GDA: variants seen among roughly 807,000 people sequenced by gnomAD.
GDA encodes guanine deaminase.
In GDA, 18 loss-of-function variants were observed where a neutral mutation model predicts 59.6. The ratio of observed to expected loss-of-function variants is 0.30; its 90% CI spans 0.21 to 0.45. The LOEUF (loss-of-function observed/expected upper bound fraction) is 0.45. GDA is among the 20% of genes least tolerant of loss of function. The pLI, the probability that GDA is intolerant of heterozygous loss-of-function variation, is 1.00. For synonymous variants in GDA, 201 were observed against 201.1 expected (o/e 1.00, Z 0.00); for missense variants, 427 against 552.3 (o/e 0.77, Z 2.27).
intron 1 of GDA, among the ~76,000 whole-genome samples, chr9:72,176,993 C>T (rs1018715800): frequency 6.6e-6 from 1 of 150,952 alleles, no homozygotes; most frequent in Non-Finnish European, 1.5e-5. Flanking sequence ...CCTCACTTTG[C>T]GTAATAGTGG....
chr9:72,167,415 G>A (rs180781962), intron 1 of GDA, among the ~76,000 whole-genome samples: 7 of 152,094 alleles, frequency 4.6e-5, no homozygotes, highest in African/African-American at 1.2e-4. Context: ...GTGGTGTTTC[G>A]GTAACAACTT....
chr9:72,240,457 A>G (rs1839487502), intron 10 of GDA, among the ~76,000 whole-genome samples: 1 of 152,176 alleles, frequency 6.6e-6, no homozygotes, highest in Non-Finnish European at 1.5e-5. Context: ...CAGAGATAAG[A>G]GTTTCTTTTG....
intron 1 of GDA, among the ~76,000 whole-genome samples, chr9:72,153,005 A>C (rs1186115385): frequency 6.6e-6 from 1 of 152,200 alleles, no homozygotes; most frequent in African/African-American, 2.4e-5. Flanking sequence ...AGCTTTCTAC[A>C]TATGGCTAGC....
intron 1 of GDA, among the ~76,000 whole-genome samples, chr9:72,161,482 C>G (rs963129696): frequency 2.8e-5 from 4 of 145,018 alleles, no homozygotes; most frequent in African/African-American, 1.1e-4. Context: ...TTACTGGGAG[C>G]TGTAATTAGT....
intron 2 of GDA, among the ~76,000 whole-genome samples, chr9:72,201,463 A>C (rs1285310804): frequency 3.9e-5 from 6 of 152,196 alleles, no homozygotes; most frequent in African/African-American, 7.2e-5. Context: ...TAGTCAGACA[A>C]GATCAAGATG....
chr9:72,254,993 AG>A (rs2131907819), downstream of GDA, among the ~76,000 whole-genome samples: 1 of 152,342 alleles, frequency 6.6e-6, no homozygotes, highest in South Asian at 2.1e-4. Context: ...AAGGCAAGAA[AG>A]GCTTAATTTA....
intron 1 of GDA, among the ~76,000 whole-genome samples, chr9:72,118,165 G>T (rs922845154): frequency 6.6e-6 from 1 of 150,454 alleles, no homozygotes; most frequent in Non-Finnish European, 1.5e-5. Flanking sequence ...CCAGCTACTC[G>T]GGAGGCTGAG....
At chr9:72,119,136 T>C (rs1398871069) in intron 1 of GDA, among the ~76,000 whole-genome samples, 1 of 152,162 alleles carries the variant, frequency 6.6e-6, no homozygotes, top group African/African-American at 2.4e-5. Flanking sequence ...CTATGGTAAG[T>C]TGTAATATCA....
intron 1 of GDA, among the ~76,000 whole-genome samples, chr9:72,189,638 C>T (rs992190678): frequency 1.5e-4 from 23 of 152,096 alleles, no homozygotes; most frequent in Admixed American, 1.3e-4. Context: ...CTCAGGAGTT[C>T]GATACCAGCC....
At chr9:72,233,061 C>A (rs1838538399) in intron 10 of GDA, among the ~76,000 whole-genome samples, 1 of 152,102 alleles carries the variant, frequency 6.6e-6, no homozygotes, top group Non-Finnish European at 1.5e-5. Flanking sequence ...TTACCTAGTC[C>A]TTTTTGCAAT....
At chr9:72,191,558 G>A (rs1010045316) in intron 1 of GDA, among the ~76,000 whole-genome samples, 6 of 150,116 alleles carry the variant, frequency 4.0e-5, no homozygotes, top group South Asian at 2.1e-4. Context: ...TGCAAGCTCC[G>A]CCTCCCGGGT....
In GDA at chr9:72,154,494, G is replaced by A. The variant is rs116127837; in HGVS notation, c.123+4812G>A. ...GCCAAGTGGTAGAGAAGGAAGCCAC[G>A]GCCTGTGATGAACTGTATGGGGTGG... On this transcript the variant is annotated intron_variant, in intron 1 of 13. Coordinates refer to ENST00000358399, the MANE Select transcript of GDA (RefSeq NM_004293.5). 1.7e-3 allele frequency among the ~76,000 whole-genome samples: 255 copies of A among 152,196 alleles called. 4 individuals are homozygous for A. Among genetic ancestry groups the A allele is most frequent in the African/African-American group, 5.8e-3 (240 of 41,512 alleles).
Position 72,223,174 on chromosome 9 carries a change from A to C in GDA, c.661A>C (p.Thr221Pro). 6.2e-7 allele frequency: 1 copy of C among 1,613,386 alleles called. No homozygotes were observed. The highest frequency in any genetic ancestry group is 1.1e-5 in the South Asian group (1 of 91,036). Residue 221 changes from threonine (T) to proline (P), a missense_variant, in exon 7 of 14, where the codon ACT (threonine) becomes CCT (proline). By Grantham distance (38) the Thr-to-Pro change is conservative. Coordinates refer to ENST00000358399, the MANE Select transcript of GDA (RefSeq NM_004293.5). ...ACGTTTTTCCCTCTCCTGCTCTGAG[A>C]CTTTGATGGGTGAACTGGGCAACAT... ...TPRFSLSCSETLMGELGNIAK... is the reference protein window; with the variant it reads ...TPRFSLSCSEPLMGELGNIAK...
upstream of GDA, among the ~76,000 whole-genome samples, chr9:72,146,114 GA>G (rs1178277105): frequency 2.3e-5 from 3 of 132,188 alleles, no homozygotes; most frequent in Middle Eastern, 7.1e-3. Flanking sequence ...GAAATGTAAA[GA>G]TATCCTGGAT....
intron 7 of GDA, among the ~76,000 whole-genome samples, 181 bp downstream of exon 7, chr9:72,223,408 A>G (rs1241017035): frequency 6.6e-6 from 1 of 152,202 alleles, no homozygotes; most frequent in Non-Finnish European, 1.5e-5. Context: ...ACCTAATCCA[A>G]TTCTTTCATT....
At chr9:72,216,452 A>C (rs142778964) in intron 5 of GDA, among the ~76,000 whole-genome samples, 2 of 152,344 alleles carry the variant, frequency 1.3e-5, no homozygotes, top group East Asian at 3.9e-4. Flanking sequence ...TGGTGAATGG[A>C]TAAACAAAAT....
At chr9:72,151,459 T>G (rs1476758362) in intron 1 of GDA, among the ~76,000 whole-genome samples, 1 of 152,202 alleles carries the variant, frequency 6.6e-6, no homozygotes. Flanking sequence ...ATCCCCCATT[T>G]CAAAATGGAG....
At chr9:72,190,598 G>A (rs1041361072) in intron 1 of GDA, among the ~76,000 whole-genome samples, 15 of 152,252 alleles carry the variant, frequency 9.9e-5, no homozygotes, top group African/African-American at 3.1e-4. Flanking sequence ...AAAAGTTATC[G>A]CTCATTTTAG....
At chr9:72,238,721 A>G (rs564499273) in intron 10 of GDA, among the ~76,000 whole-genome samples, 171 of 152,278 alleles carry the variant, frequency 1.1e-3, no homozygotes, top group African/African-American at 3.9e-3. Flanking sequence ...TAATGATACC[A>G]TCTTCATTGT....
Sources: gnomAD v4.1 joint callset for allele counts (sites outside exome capture counted in the v4.1 genomes callset) on GRCh38, gnomAD v4.1.1 for gene constraint, MANE v1.5 for transcripts, NCBI Gene and HGNC (gene_info 2026-07-23, HGNC 2026-07-21) for gene names.